Variants in MFSD2B observed in about 807,000 individuals in gnomAD.
The protein encoded by MFSD2B is MFSD2 lysolipid transporter B, sphingolipid.
In MFSD2B, 56 loss-of-function variants were observed where a neutral mutation model predicts 58.4. That is an observed-to-expected ratio of 0.96 (90% CI 0.77 to 1.20). MFSD2B has a LOEUF of 1.20. Ranked by LOEUF, MFSD2B falls within the 50% of genes most tolerant of loss-of-function variation. The pLI, the probability that MFSD2B is intolerant of heterozygous loss-of-function variation, is 0.00. For synonymous variants in MFSD2B, 287 were observed against 294.4 expected (o/e 0.97, Z 0.26); for missense variants, 645 against 667.6 (o/e 0.97, Z 0.37).
chr2:24,018,244 C>A (rs1294595349), intron 6 of MFSD2B: 1 of 166,262 alleles, frequency 6.0e-6, no homozygotes, highest in Admixed American at 6.4e-5. Context: ...GGCCAAAAGT[C>A]TTCTGGGATG....
rs1286807243 is a variant in MFSD2B, at chr2:24,021,250, C to G, written c.682-398C>G. 1.3e-5 allele frequency among the ~76,000 whole-genome samples: 2 copies of G among 152,190 alleles called. No homozygotes were observed. Among genetic ancestry groups the G allele is most frequent in the East Asian group, 3.9e-4 (2 of 5,192 alleles). On this transcript the variant is annotated intron_variant, in intron 6 of 13. Transcript: ENST00000338315. The surrounding 1 kb of genome is among the most constrained non-coding windows in gnomAD (Gnocchi z 5.7). Reference sequence around the variant, plus strand: ...ATGCATCTCACCGTGCTGTAACCACCTGCTCCTGGATCTGTCTTCCTCCCC... The same window carrying G: ...ATGCATCTCACCGTGCTGTAACCACGTGCTCCTGGATCTGTCTTCCTCCCC...
rs993298216 is a variant in MFSD2B, at chr2:24,026,763, T to G, written c.*1307T>G. The G allele has an allele frequency of 6.6e-6, 1 of 152,232 alleles. No homozygotes were observed. Among genetic ancestry groups the G allele is most frequent in the Non-Finnish European group, 1.5e-5 (1 of 68,036 alleles). 9.4% of individuals were successfully genotyped at this position (152,232 alleles called of 1,614,324 possible). A position where few individuals can be genotyped will look rare whatever the true frequency, so the allele number is the denominator to read the frequency against. On this transcript the variant is annotated 3_prime_UTR_variant, in exon 14 of 14. Coordinates refer to ENST00000338315, the MANE Select transcript of MFSD2B (RefSeq NM_001346880.2). The stretch of plus-strand genomic sequence containing the variant: ...CATTTTATAATCAACCAATAAATGT[T>G]AAGTAAAGTGTTTCTCTGTGTTCTA...
At chr2:24,018,237 C>A (rs1307820713) in intron 6 of MFSD2B, 1 of 165,170 alleles carries the variant, frequency 6.1e-6, no homozygotes, top group Admixed American at 6.4e-5. Flanking sequence ...TTTTTTAGGC[C>A]AAAAGTCTTC....
Position 24,025,666 on chromosome 2 carries a change from CAGAT to C in MFSD2B, c.*213_*216del. 1.7e-6 allele frequency: 1 copy of C among 580,246 alleles called. No individual in the cohort carries two copies. Among genetic ancestry groups the C allele is most frequent in the Non-Finnish European group, 3.1e-6 (1 of 323,570 alleles). The allele number at this position is 580,246 out of a possible 1,614,324, so 35.9% of individuals were successfully genotyped here. A position where few individuals can be genotyped will look rare whatever the true frequency, so the allele number is the denominator to read the frequency against. ...CTTGTCTGTTGCCTTCAGACTATCT[CAGAT>C]AGGCCTGTGCCCCTGACTAGCCCAG... On this transcript the variant is annotated 3_prime_UTR_variant, in exon 14 of 14. Transcript: ENST00000338315.
rs1171420277 is a variant in MFSD2B, at chr2:24,025,658, G to C, written c.*202G>C. ...TGGCATTTCTTGTCTGTTGCCTTCA[G>C]ACTATCTCAGATAGGCCTGTGCCCC... is the stretch of plus-strand genomic sequence containing the variant. On this transcript the variant is annotated 3_prime_UTR_variant, in exon 14 of 14. Transcript: ENST00000338315. 1.7e-6 allele frequency: 1 copy of C among 593,808 alleles called. No individual in the cohort carries two copies. The highest frequency in any genetic ancestry group is 1.8e-5 in the African/African-American group (1 of 54,082). 36.8% of individuals were successfully genotyped at this position (593,808 alleles called of 1,614,324 possible).
chr2:24,016,694 C>T, intron 3 of MFSD2B, 151 bp from the exon 4 acceptor site: 1 of 872,168 alleles, frequency 1.1e-6, no homozygotes, highest in Non-Finnish European at 1.7e-6. Flanking sequence ...GACCCATCGG[C>T]CACTTCTCCC....
In MFSD2B at chr2:24,014,303, C is replaced by T. The variant is rs888589459; in HGVS notation, c.222+893C>T. ...CTGGGATTATAGACGTGGACCACCGCGCCCAGTCTACAGCTAATTTTTGTG... is the reference window on the plus strand; with the variant it reads ...CTGGGATTATAGACGTGGACCACCGTGCCCAGTCTACAGCTAATTTTTGTG... On this transcript the variant is annotated intron_variant, in intron 2 of 13. Coordinates refer to ENST00000338315, the MANE Select transcript of MFSD2B (RefSeq NM_001346880.2). Among the ~76,000 whole-genome samples the T allele has an allele frequency of 4.6e-5, 7 of 152,140 alleles. No individual in the cohort carries two copies. In the East Asian group the frequency reaches 5.8e-4, roughly 13 times the overall value.
At chr2:24,011,365 C>T (rs993068420) in intron 1 of MFSD2B, among the ~76,000 whole-genome samples, 2 of 152,230 alleles carry the variant, frequency 1.3e-5, no homozygotes, top group South Asian at 2.1e-4. Flanking sequence ...GGGACTGTCA[C>T]GTTGAATTCT....
rs767978286 is a variant in MFSD2B, at chr2:24,013,394, T to G, written c.206T>G (p.Leu69Arg). 4.9e-5 allele frequency: 79 copies of G among 1,608,510 alleles called. No homozygotes were observed. Among genetic ancestry groups the G allele is most frequent in the Non-Finnish European group, 6.6e-5 (78 of 1,177,610 alleles). Reference sequence around the variant, plus strand: ...ACAGCCTTTTACCTGCAGCTTTTCCTGCTTGATATAGCACAGGTAAGTGTG... The same window carrying G: ...ACAGCCTTTTACCTGCAGCTTTTCCGGCTTGATATAGCACAGGTAAGTGTG... Reference protein sequence around the residue: ...SATAFYLQLFLLDIAQIPAAQ... With the variant: ...SATAFYLQLFRLDIAQIPAAQ... Residue 69 changes from leucine to arginine, a missense_variant, in exon 2 of 14, where the codon CTG becomes CGG. Leu to Arg is a moderately radical substitution (Grantham distance 102, BLOSUM62 -2). Transcript: ENST00000338315.
Position 24,012,377 on chromosome 2 carries a change from G to A in MFSD2B, c.97-908G>A, listed in dbSNP as rs1708989909. ...TTCTCTTGCCTCAGCCTCCTGAGTA[G>A]CTGGGATTACAGGCGGCCACTATGC... On this transcript the variant is annotated intron_variant, in intron 1 of 13. Transcript: ENST00000338315. This position sits in a 1 kb window ranked among gnomAD's most constrained non-coding sequence, Gnocchi z 4.5. 2.0e-5 allele frequency among the ~76,000 whole-genome samples: 3 copies of A among 152,128 alleles called. No homozygotes were observed. In the East Asian group the frequency reaches 5.8e-4, roughly 29 times the overall value.
rs1662889499 is a variant in MFSD2B at position 24,023,859 on chromosome 2, G to C, written c.1313+133G>C. 8.5e-7 allele frequency: 1 copy of C among 1,177,494 alleles called. No individual in the cohort carries two copies. Among genetic ancestry groups the C allele is most frequent in the Non-Finnish European group, 1.2e-6 (1 of 830,358 alleles). The allele number at this position is 1,177,494 out of a possible 1,614,324, so 72.9% of individuals were successfully genotyped here. A position where few individuals can be genotyped will look rare whatever the true frequency, so the allele number is the denominator to read the frequency against. On this transcript the variant is annotated intron_variant, in intron 12 of 13. Coordinates refer to ENST00000338315, the MANE Select transcript of MFSD2B (RefSeq NM_001346880.2). This position sits in a 1 kb window ranked among gnomAD's most constrained non-coding sequence, Gnocchi z 5.0. ...AGCGCTACTCTTTGGAGAGTGTGGG[G>C]AACCACTTCCCCAGGTTTCTCTGTG...
rs1297246390 is a variant in MFSD2B at position 24,023,995 on chromosome 2, G to A, written c.1314-100G>A. The A allele has an allele frequency of 5.6e-6, 7 of 1,250,734 alleles. No homozygotes were observed. The Admixed American group carries it at 6.4e-5, about 11-fold the overall frequency. 77.5% of individuals were successfully genotyped at this position (1,250,734 alleles called of 1,614,324 possible). A position where few individuals can be genotyped will look rare whatever the true frequency, so the allele number is the denominator to read the frequency against. On this transcript the variant is annotated intron_variant, in intron 12 of 13. Transcript: ENST00000338315. This position sits in a 1 kb window ranked among gnomAD's most constrained non-coding sequence, Gnocchi z 5.0. ...GATCTGACCAGGAAATGAAGTCCAC[G>A]TTTCAGGAGGGGGTGGGGTGGGGTG...
chr2:24,024,122 C>T lies in MFSD2B; in HGVS notation c.1341C>T (p.Cys447=), dbSNP rs751554480. 2 of 1,613,740 alleles carry T rather than the reference C, an allele frequency of 1.2e-6. No homozygotes were observed. The highest frequency in any genetic ancestry group is 2.2e-5 in the East Asian group (1 of 44,878). ...LEFSGYKAGV[C]KQAEEVVVTL... ...TCTCGGGGTATAAGGCAGGGGTCTG[C>T]AAGCAAGCAGAGGAGGTGGTGGTCA... Residue 447 remains cysteine, a synonymous_variant, in exon 13 of 14, where the codon TGC becomes TGT. Coordinates refer to ENST00000338315, the MANE Select transcript of MFSD2B (RefSeq NM_001346880.2). The surrounding 1 kb of genome is among the most constrained non-coding windows in gnomAD (Gnocchi z 4.3).
chr2:24,017,337 A>C lies in MFSD2B; in HGVS notation c.523A>C (p.Arg175=). 6.2e-7 allele frequency: 1 copy of C among 1,606,740 alleles called. No individual in the cohort carries two copies. Among genetic ancestry groups the C allele is most frequent in the South Asian group, 1.1e-5 (1 of 89,614 alleles). The change falls in exon 5 of 14, where the codon AGG becomes CGG. Residue 175 remains arginine (R), a synonymous_variant. Coordinates refer to ENST00000338315, the MANE Select transcript of MFSD2B (RefSeq NM_001346880.2). The surrounding 1 kb of genome is among the most constrained non-coding windows in gnomAD (Gnocchi z 4.8). ...CACCATGCTGCTGACTCCCTGCCCA[A>C]GGGAGCGGGACTCGGCCACCGCCTA... ...ALTMLLTPCP[R]ERDSATAYRM...
chr2:24,010,274 G>A, intron 1 of MFSD2B, 82 bp downstream of exon 1: 1 of 1,142,156 alleles, frequency 8.8e-7, no homozygotes. Context: ...TTTTCCAGCT[G>A]GGGGCAGCCC....
rs1169084077 is a variant in MFSD2B, at chr2:24,025,794, GCTCA to G, written c.*341_*344del. On this transcript the variant is annotated 3_prime_UTR_variant, in exon 14 of 14. Coordinates refer to ENST00000338315, the MANE Select transcript of MFSD2B (RefSeq NM_001346880.2). Reference sequence around the variant, plus strand: ...CCCATTCAAGAAAACGTTACAGCCGGCTCACTGCAAAATCCGCCTCCCGGGTTCA... The same window carrying G: ...CCCATTCAAGAAAACGTTACAGCCGGCTGCAAAATCCGCCTCCCGGGTTCA... 2 of 263,950 alleles carry G rather than the reference GCTCA, an allele frequency of 7.6e-6. No homozygotes were observed. Among genetic ancestry groups the G allele is most frequent in the African/African-American group, 4.4e-5 (2 of 45,644 alleles). The allele number at this position is 263,950 out of a possible 1,614,324, so 16.4% of individuals were successfully genotyped here.
rs778812855 is a variant in MFSD2B at position 24,023,625 on chromosome 2, C to T, written c.1212C>T (p.His404=). ...TGGTGGATGACTTTCAGCTGCAGCA[C>T]CGTCACGGGCCAGGCCTGGAGACCA... ...PDVVDDFQLQ[H]RHGPGLETIF... The change falls in exon 12 of 14, where the codon CAC becomes CAT. Residue 404 remains histidine, a synonymous_variant. Coordinates refer to ENST00000338315, the MANE Select transcript of MFSD2B (RefSeq NM_001346880.2). The surrounding 1 kb of genome is among the most constrained non-coding windows in gnomAD (Gnocchi z 5.0). 1.7e-5 allele frequency: 27 copies of T among 1,613,984 alleles called. No individual in the cohort carries two copies. Among genetic ancestry groups the T allele is most frequent in the South Asian group, 1.1e-4 (10 of 91,086 alleles).
Position 24,023,331 on chromosome 2 carries a change from G to A in MFSD2B, c.1169+92G>A. The stretch of plus-strand genomic sequence containing the variant: ...GTCCCAGGCCCCCTGCACCCAGCCT[G>A]TGCAGGAGATGGAGGCCACCAGCTC... On this transcript the variant is annotated intron_variant, in intron 11 of 13. Transcript: ENST00000338315. The surrounding 1 kb of genome is among the most constrained non-coding windows in gnomAD (Gnocchi z 5.0). 8.7e-7 allele frequency: 1 copy of A among 1,150,032 alleles called. No individual in the cohort carries two copies. The highest frequency in any genetic ancestry group is 1.3e-6 in the Non-Finnish European group (1 of 776,670). The allele number at this position is 1,150,032 out of a possible 1,614,324, so 71.2% of individuals were successfully genotyped here.
intron 2 of MFSD2B, among the ~76,000 whole-genome samples, chr2:24,015,310 G>A (rs146672532): frequency 1.3e-5 from 2 of 152,084 alleles, no homozygotes; most frequent in African/African-American, 2.4e-5. Flanking sequence ...AAATTAGCTC[G>A]GTGTAGAGGA....
Sources: allele counts gnomAD v4.1 joint callset (sites outside exome capture counted in the v4.1 genomes callset), GRCh38; gene constraint gnomAD v4.1.1; non-coding constraint Gnocchi (gnomAD v3.1); transcripts MANE v1.5; gene names NCBI Gene and HGNC (gene_info 2026-07-23, HGNC 2026-07-21).